Variants in TTC12 observed in about 807,000 individuals in gnomAD.
TTC12 encodes the protein tetratricopeptide repeat protein 12.
A neutral mutation model predicts 90.1 loss-of-function variants in TTC12; 70 were observed. The ratio of observed to expected loss-of-function variants is 0.78; its 90% confidence interval spans 0.64 to 0.95. The LOEUF (loss-of-function observed/expected upper bound fraction) is 0.95, where lower values mean the gene tolerates loss of function less well. TTC12 is among the 40% of genes least tolerant of loss of function. The pLI is 0.00. For synonymous variants in TTC12, 296 were observed against 311.5 expected, an observed-to-expected ratio of 0.95 and a Z score of 0.53; for missense variants, 819 against 846.1, an observed-to-expected ratio of 0.97 and a Z score of 0.40.
rs719803 is a variant in TTC12, at chr11:113,363,749, A to G, written c.1717-79A>G. 177,767 of 978,854 alleles carry G rather than the reference A, an allele frequency of 0.18. 19,637 individuals are homozygous for G. The highest frequency in any genetic ancestry group is 0.5 in the East Asian group (20,138 of 40,122). 60.6% of individuals were successfully genotyped at this position (978,854 alleles called of 1,614,324 possible). ...GAGTTTAGGAAGCCACTAGCGCTATAATAACTGCTTGCTGTGGTTTGTGGT... is the reference window on the plus strand; with the variant it reads ...GAGTTTAGGAAGCCACTAGCGCTATGATAACTGCTTGCTGTGGTTTGTGGT... On this transcript the variant is annotated intron_variant, in intron 19 of 21. Coordinates refer to ENST00000529221, the MANE Select transcript of TTC12 (RefSeq NM_017868.4).
Position 113,323,464 on chromosome 11 carries a change from A to G in TTC12, c.222+13A>G. On this transcript the variant is annotated intron_variant, in intron 3 of 21. Coordinates refer to ENST00000529221, the MANE Select transcript of TTC12 (RefSeq NM_017868.4). Reference sequence around the variant, plus strand: ...AACTGCTATGAAGGTTTCTTTTTCTATTGAGAAGTTATATAAGTACTTACA... The same window carrying G: ...AACTGCTATGAAGGTTTCTTTTTCTGTTGAGAAGTTATATAAGTACTTACA... 6.4e-7 allele frequency: 1 copy of G among 1,553,874 alleles called. No homozygotes were observed. Among genetic ancestry groups the G allele is most frequent in the Non-Finnish European group, 8.7e-7 (1 of 1,155,202 alleles).
intron 10 of TTC12, among the ~76,000 whole-genome samples, chr11:113,340,197 G>C (rs1162163016): frequency 6.6e-6 from 1 of 152,240 alleles, no homozygotes; most frequent in African/African-American, 2.4e-5. Flanking sequence ...TGTACAAATA[G>C]ATGGAGTGTC....
chr11:113,341,806 T>C, intron 11 of TTC12, 31 bp from the exon 12 acceptor site: 1 of 1,552,234 alleles, frequency 6.4e-7, no homozygotes, highest in Non-Finnish European at 8.9e-7. Flanking sequence ...ATTTTCAGAC[T>C]TTTAAGATAG....
intron 13 of TTC12, among the ~76,000 whole-genome samples, chr11:113,344,936 T>C (rs1948866801): frequency 6.6e-6 from 1 of 152,242 alleles, no homozygotes; most frequent in Non-Finnish European, 1.5e-5. Flanking sequence ...GGGCATAGAA[T>C]GTGTGTACCC....
At chr11:113,340,842 C>T (rs572672803) in intron 11 of TTC12, 109 bp downstream of exon 11, 18 of 926,942 alleles carry the variant, frequency 1.9e-5, no homozygotes, top group South Asian at 1.6e-4. Flanking sequence ...ACATTACCCC[C>T]CTTCAGTCAG....
chr11:113,366,393 G>A, downstream of TTC12: 1 of 1,578,194 alleles, frequency 6.3e-7, no homozygotes, highest in Non-Finnish European at 8.6e-7. Flanking sequence ...ATCCACTTCA[G>A]AATCAAGTAC....
intron 17 of TTC12, 104 bp from the exon 18 acceptor site, chr11:113,359,836 G>C (rs1317038422): frequency 2.4e-6 from 2 of 827,790 alleles, no homozygotes; most frequent in East Asian, 5.3e-5. Context: ...CCTGGGCATA[G>C]TGTGGTGGTG....
At chr11:113,324,136 C>CCTA (rs1414075821) in intron 4 of TTC12, 121 bp downstream of exon 4, 1 of 746,916 alleles carries the variant, frequency 1.3e-6, no homozygotes, top group Admixed American at 2.6e-5. Context: ...TGAACAAAAA[C>CCTA]CTACTGATCA....
intron 15 of TTC12, among the ~76,000 whole-genome samples, chr11:113,351,696 C>T (rs1949304456): frequency 6.6e-6 from 1 of 152,184 alleles, no homozygotes; most frequent in Non-Finnish European, 1.5e-5. Flanking sequence ...CAGGGCTTCT[C>T]CTTGGAGAGT....
rs200468625 is a variant in TTC12, at chr11:113,362,471, G to A, written c.1685G>A (p.Gly562Glu). 9 of 1,613,814 alleles carry A rather than the reference G, an allele frequency of 5.6e-6. No individual in the cohort carries two copies. In the South Asian group the frequency reaches 9.9e-5, roughly 18 times the overall value. ...ATTGTTGAGGAGGCCTTGCGAGCAG[G>A]AGTGGTAAAGAAAATGATGAAATTC... Reference protein sequence around the residue: ...LKIVEEALRAGVVKKMMKFLK... With the variant: ...LKIVEEALRAEVVKKMMKFLK... The change falls in exon 19 of 22, where the codon GGA becomes GAA. Residue 562 changes from glycine (G) to glutamate (E), a missense_variant. Coordinates refer to ENST00000529221, the MANE Select transcript of TTC12 (RefSeq NM_017868.4).
chr11:113,356,541 G>C (rs569887775), intron 16 of TTC12, among the ~76,000 whole-genome samples: 2 of 152,244 alleles, frequency 1.3e-5, no homozygotes, highest in East Asian at 3.9e-4. Flanking sequence ...TAGTAATGCT[G>C]GTCTGTGTAC....
rs1948564862 is a variant in TTC12 at position 113,339,446 on chromosome 11, T to C, written c.798T>C (p.Ile266=). Reference sequence around the variant, plus strand: ...TCCCCTTGTTCTATGCTGGGGGGATTGAGATCCTGACTGAAATGATAAATG... The same window carrying C: ...TCCCCTTGTTCTATGCTGGGGGGATCGAGATCCTGACTGAAATGATAAATG... ...DQIPLFYAGG[I]EILTEMINEC... is the part of the protein sequence containing the mutation. Residue 266 remains isoleucine, a synonymous_variant, in exon 10 of 22, where the codon ATT becomes ATC. Transcript: ENST00000529221. 5 of 1,610,230 alleles carry C rather than the reference T, an allele frequency of 3.1e-6. No individual in the cohort carries two copies. The highest frequency in any genetic ancestry group is 1.7e-5 in the Admixed American group (1 of 59,120).
chr11:113,359,996 A>C lies in TTC12; in HGVS notation c.1602A>C (p.Gly534=). ...RCLSLLNSQD[G]GILTRAAGVL... ...TGTCTTTACTAAACAGCCAGGATGG[A>C]GGAATCCTGACAGTAAGTTTCTCCC... Residue 534 remains glycine, a synonymous_variant, in exon 18 of 22, where the codon GGA becomes GGC. Coordinates refer to ENST00000529221, the MANE Select transcript of TTC12 (RefSeq NM_017868.4). 1 of 1,596,004 alleles carries C rather than the reference A, an allele frequency of 6.3e-7. No homozygotes were observed. The highest frequency in any genetic ancestry group is 1.3e-5 in the African/African-American group (1 of 74,930).
chr11:113,339,090 C>T lies in TTC12; in HGVS notation c.638-196C>T, dbSNP rs368878363. Among the ~76,000 whole-genome samples the T allele has an allele frequency of 8.5e-5, 13 of 152,272 alleles. No homozygotes were observed. The East Asian group carries it at 1.7e-3, about 20-fold the overall frequency. Reference sequence around the variant, plus strand: ...ACACTTTTAGACTCCCTTGAATCCCCAACAAGGTTTAAGATTCTGGTTGTA... The same window carrying T: ...ACACTTTTAGACTCCCTTGAATCCCTAACAAGGTTTAAGATTCTGGTTGTA... On this transcript the variant is annotated intron_variant, in intron 9 of 21. Transcript: ENST00000529221.
At chr11:113,342,408 A>G (rs1024833589) in intron 12 of TTC12, among the ~76,000 whole-genome samples, 8 of 152,198 alleles carry the variant, frequency 5.3e-5, no homozygotes, top group African/African-American at 1.4e-4. Context: ...AAATATTTGC[A>G]TCTTCCAGAG....
At chr11:113,357,786 G>T (rs1220361515) in intron 16 of TTC12, among the ~76,000 whole-genome samples, 9 of 152,180 alleles carry the variant, frequency 5.9e-5, no homozygotes, top group African/African-American at 1.7e-4. Flanking sequence ...GCTTCTCTAG[G>T]TTAAGAATAC....
chr11:113,368,518 A>G (rs1197598372), downstream of TTC12: 27 of 1,545,182 alleles, frequency 1.7e-5, no homozygotes, highest in Non-Finnish European at 2.3e-5. Flanking sequence ...TCCATCCTAA[A>G]GAGGATGTGG....
intron 10 of TTC12, 89 bp downstream of exon 10, chr11:113,339,563 C>T: frequency 8.5e-7 from 1 of 1,181,542 alleles, no homozygotes. Context: ...AAGAATCCCT[C>T]CCTTCCTTCC....
intron 7 of TTC12, among the ~76,000 whole-genome samples, chr11:113,333,626 C>T (rs1418150230): frequency 6.6e-6 from 1 of 152,096 alleles, no homozygotes; most frequent in Non-Finnish European, 1.5e-5. Context: ...GTATCTGCTT[C>T]ATAGAGTTGT....
Sources: allele counts gnomAD v4.1 joint callset (sites outside exome capture counted in the v4.1 genomes callset), GRCh38; gene constraint gnomAD v4.1.1; transcripts MANE v1.5; gene names NCBI Gene and HGNC (gene_info 2026-07-23, HGNC 2026-07-21).